The following RXFP1 variants were observed in gnomAD, a reference collection of about 807,000 sequenced individuals.
RXFP1 encodes relaxin receptor 1.
RXFP1 carries 73 observed loss-of-function variants against 89.8 expected under a neutral mutation model. The ratio of observed to expected loss-of-function variants is 0.81; its 90% CI spans 0.67 to 0.99. The LOEUF (loss-of-function observed/expected upper bound fraction) is 0.99. Among genes scored for constraint, RXFP1 ranks in the 50% least tolerant of loss-of-function variants. The probability of loss-of-function intolerance (pLI) is 0.00; values close to 1 mark genes in which losing one functional copy is unlikely to be tolerated. For missense variants in RXFP1, 793 were observed against 895.5 expected, an observed-to-expected ratio of 0.89 and a Z score of 1.46; for synonymous variants, 277 against 305.5, an observed-to-expected ratio of 0.91 and a Z score of 0.97.
chr4:158,627,485 A>G (rs1038790785), intron 10 of RXFP1, among the ~76,000 whole-genome samples: 9 of 148,844 alleles, frequency 6.0e-5, no homozygotes, highest in Non-Finnish European at 1.0e-4. Flanking sequence ...TAATAAATGT[A>G]TTGTTTCATG....
intron 1 of RXFP1, among the ~76,000 whole-genome samples, chr4:158,542,849 G>A (rs1747164248): frequency 6.6e-6 from 1 of 152,128 alleles, no homozygotes; most frequent in South Asian, 2.1e-4. Flanking sequence ...GCAACAAACA[G>A]AAGGACCAAG....
At position 158,646,846 on chromosome 4, in the gene RXFP1, G is replaced by C; in HGVS notation, c.1401G>C (p.Lys467Asn). Reference sequence around the variant, plus strand: ...TCGTGATCGGAGGCTTTGACCTAAAGTTTCGTGGAGAATACAATAAGCATG... The same window carrying C: ...TCGTGATCGGAGGCTTTGACCTAAACTTTCGTGGAGAATACAATAAGCATG... ...YLFVIGGFDLKFRGEYNKHAQ... is the reference protein window; with the variant it reads ...YLFVIGGFDLNFRGEYNKHAQ... Residue 467 changes from lysine (K) to asparagine (N), a missense_variant, in exon 16 of 18, where the codon AAG becomes AAC. Coordinates refer to ENST00000307765, the MANE Select transcript of RXFP1 (RefSeq NM_021634.4). 1 of 1,614,104 alleles carries C rather than the reference G, an allele frequency of 6.2e-7. No individual in the cohort carries two copies. The highest frequency in any genetic ancestry group is 8.5e-7 in the Non-Finnish European group (1 of 1,179,984).
At chr4:158,632,384 T>A (rs1223504500) in intron 11 of RXFP1, among the ~76,000 whole-genome samples, 13 of 152,322 alleles carry the variant, frequency 8.5e-5, no homozygotes, top group Non-Finnish European at 8.8e-5. Context: ...CAAATACATC[T>A]ATTCATTCTC....
chr4:158,524,114 C>T (rs893443371), intron 1 of RXFP1, among the ~76,000 whole-genome samples: 1 of 152,128 alleles, frequency 6.6e-6, no homozygotes, highest in Non-Finnish European at 1.5e-5. Context: ...TTCTTTATTA[C>T]AAAAATTACT....
intron 1 of RXFP1, among the ~76,000 whole-genome samples, chr4:158,549,198 A>T (rs200513318): frequency 0.19 from 28,437 of 150,420 alleles, 3,323 homozygotes; most frequent in African/African-American, 0.33. Context: ...CATTTCATTC[A>T]TTTCATCTTC....
At chr4:158,533,556 C>T in intron 1 of RXFP1, among the ~76,000 whole-genome samples, 1 of 152,156 alleles carries the variant, frequency 6.6e-6, no homozygotes, top group East Asian at 1.9e-4. Context: ...GCATATTTAC[C>T]CTTACTCTCA....
At position 158,651,802 on chromosome 4, in the gene RXFP1, G is replaced by A; in HGVS notation, c.2021G>A (p.Ser674Asn). The A allele has an allele frequency of 6.2e-7, 1 of 1,613,884 alleles. No individual in the cohort carries two copies. The highest frequency in any genetic ancestry group is 8.5e-7 in the Non-Finnish European group (1 of 1,179,902). Residue 674 changes from serine to asparagine, a missense_variant, in exon 18 of 18, where the codon AGT (serine) becomes AAT (asparagine). By Grantham distance (46) the Ser-to-Asn change is conservative (BLOSUM62 1). Transcript: ENST00000307765. ...WVVIFILPIN[S>N]ALNPILYTLT... ...GTGATTTTTATTCTGCCCATTAACA[G>A]TGCTTTGAACCCAATTCTCTATACT... is the stretch of plus-strand genomic sequence containing the variant.
intron 2 of RXFP1, among the ~76,000 whole-genome samples, chr4:158,584,594 C>G (rs978977075): frequency 2.6e-5 from 4 of 152,222 alleles, no homozygotes; most frequent in Non-Finnish European, 5.9e-5. Flanking sequence ...ATCACACACT[C>G]TGTTCTGGCC....
chr4:158,548,481 G>T (rs1419141371), intron 1 of RXFP1, among the ~76,000 whole-genome samples: 1 of 152,140 alleles, frequency 6.6e-6, no homozygotes, highest in Non-Finnish European at 1.5e-5. Flanking sequence ...GTGTGTGTTT[G>T]GTCCTGTCAT....
At chr4:158,547,319 A>G (rs911711574) in intron 1 of RXFP1, among the ~76,000 whole-genome samples, 20 of 151,348 alleles carry the variant, frequency 1.3e-4, no homozygotes, top group African/African-American at 4.6e-4. Context: ...TTTTTATTGC[A>G]TCTATTTGAT....
At chr4:158,585,754 C>G (rs1196718133) in intron 2 of RXFP1, among the ~76,000 whole-genome samples, 3 of 152,132 alleles carry the variant, frequency 2.0e-5, no homozygotes, top group Non-Finnish European at 1.5e-5. Context: ...TTCTACTATA[C>G]TCTCATAAAG....
chr4:158,574,423 C>A (rs1363890730), intron 2 of RXFP1, among the ~76,000 whole-genome samples: 1 of 151,836 alleles, frequency 6.6e-6, no homozygotes, highest in South Asian at 2.1e-4. Flanking sequence ...CACAAGCAGA[C>A]CTTAACTGAG....
chr4:158,522,749 T>C (rs1741493662), intron 1 of RXFP1, among the ~76,000 whole-genome samples: 1 of 152,200 alleles, frequency 6.6e-6, no homozygotes, highest in African/African-American at 2.4e-5. Context: ...AGGTAATAAA[T>C]GATGAAAAAG....
intron 1 of RXFP1, among the ~76,000 whole-genome samples, chr4:158,553,544 C>T (rs1750621945): frequency 6.6e-6 from 1 of 152,070 alleles, no homozygotes; most frequent in East Asian, 1.9e-4. Context: ...AGGAGGGTGA[C>T]CCGTGGAGAG....
chr4:158,605,402 C>G (rs550159454), intron 5 of RXFP1, among the ~76,000 whole-genome samples: 2 of 152,168 alleles, frequency 1.3e-5, no homozygotes, highest in Non-Finnish European at 2.9e-5. Context: ...CCACAATCCC[C>G]CAAAACGGAG....
At chr4:158,587,188 G>A (rs144103009) in intron 2 of RXFP1, among the ~76,000 whole-genome samples, 45 of 152,274 alleles carry the variant, frequency 3.0e-4, no homozygotes, top group African/African-American at 1.0e-3. Flanking sequence ...CTGCAAGGTC[G>A]AAGCCTTCAA....
At chr4:158,553,792 G>A (rs1026571306) in intron 1 of RXFP1, among the ~76,000 whole-genome samples, 1 of 152,138 alleles carries the variant, frequency 6.6e-6, no homozygotes, top group Non-Finnish European at 1.5e-5. Flanking sequence ...GGCAGGAGAA[G>A]GCCAGAGAGA....
intron 2 of RXFP1, among the ~76,000 whole-genome samples, chr4:158,585,326 A>G (rs1758085367): frequency 6.6e-6 from 1 of 152,208 alleles, no homozygotes; most frequent in Non-Finnish European, 1.5e-5. Context: ...CTTCTCAAGG[A>G]TATTCCTGAG....
intron 2 of RXFP1, among the ~76,000 whole-genome samples, chr4:158,586,500 C>G (rs1758332466): frequency 6.6e-6 from 1 of 152,042 alleles, no homozygotes; most frequent in Admixed American, 6.6e-5. Flanking sequence ...CGAGATAAAT[C>G]AGAGAATAAA....
Sources: allele counts gnomAD v4.1 joint callset (sites outside exome capture counted in the v4.1 genomes callset), GRCh38; gene constraint gnomAD v4.1.1; transcripts MANE v1.5; gene names NCBI Gene and HGNC (gene_info 2026-07-23, HGNC 2026-07-21).